Variants in ADGRL3 observed in about 807,000 individuals in gnomAD.
The protein encoded by ADGRL3 is adhesion G protein-coupled receptor L3.
Under a neutral mutation model 153.5 loss-of-function variants are expected in ADGRL3, and 62 were observed. The observed-to-expected ratio is 0.40, with a 90% CI of 0.33 to 0.50. The LOEUF is 0.50. ADGRL3 is among the 20% of genes least tolerant of loss of function. The probability of loss-of-function intolerance (pLI) is 0.47; values close to 1 mark genes in which losing one functional copy is unlikely to be tolerated. For missense variants in ADGRL3, 1,641 were observed against 1,859.4 expected, an observed-to-expected ratio of 0.88 and a Z score of 2.16; for synonymous variants, 710 against 672.5, an observed-to-expected ratio of 1.06 and a Z score of -0.86.
chr4:62,036,347 G>T (rs1581994788), intron 23 of ADGRL3, among the ~76,000 whole-genome samples: 2 of 151,818 alleles, frequency 1.3e-5, no homozygotes, highest in Admixed American at 1.3e-4. Context: ...TTTCTGGGAA[G>T]CCCTCTTCCC....
chr4:61,361,705 A>T (rs2096284371), intron 1 of ADGRL3, among the ~76,000 whole-genome samples: 1 of 152,202 alleles, frequency 6.6e-6, no homozygotes, highest in South Asian at 2.1e-4. Context: ...TAGGACAAAC[A>T]CAATGGAAGC....
chr4:61,904,905 C>T (rs1036594712), intron 11 of ADGRL3, among the ~76,000 whole-genome samples: 2 of 152,218 alleles, frequency 1.3e-5, no homozygotes, highest in South Asian at 2.1e-4. Context: ...AATCATAAAA[C>T]CTCAGAGGTC....
intron 17 of ADGRL3, among the ~76,000 whole-genome samples, chr4:61,975,249 C>T (rs186359205): frequency 3.3e-5 from 5 of 152,138 alleles, no homozygotes; most frequent in East Asian, 3.9e-4. Flanking sequence ...TTTTTAGATA[C>T]GATGACTCAG....
At chr4:61,663,228 G>C (rs946621286) in intron 5 of ADGRL3, among the ~76,000 whole-genome samples, 2 of 152,176 alleles carry the variant, frequency 1.3e-5, no homozygotes, top group Admixed American at 6.5e-5. Context: ...GAGAATAGCT[G>C]TGGCCCTTCA....
In ADGRL3 at chr4:61,791,134, G is replaced by A. The variant is rs533253394; in HGVS notation, c.1400-22675G>A. Among the ~76,000 whole-genome samples, 4 of 152,216 alleles carry A rather than the reference G, an allele frequency of 2.6e-5. No homozygotes were observed. The South Asian group carries it at 8.3e-4, about 32-fold the overall frequency. ...CATGCCTTCCCAGCAGTCTCCCAAA[G>A]TCTTAACTCATTTCAGCATTAACTC... On this transcript the variant is annotated intron_variant, in intron 8 of 26. Transcript: ENST00000683033.
chr4:61,554,239 G>A (rs1239411558), intron 4 of ADGRL3, among the ~76,000 whole-genome samples: 1 of 147,822 alleles, frequency 6.8e-6, no homozygotes, highest in Admixed American at 6.8e-5. Flanking sequence ...TGTTGCCCAG[G>A]CTGGAGTGCA....
intron 25 of ADGRL3, among the ~76,000 whole-genome samples, chr4:62,066,727 T>C (rs1034613407): frequency 6.6e-6 from 1 of 152,052 alleles, no homozygotes; most frequent in Non-Finnish European, 1.5e-5. Flanking sequence ...GTGAAGAATA[T>C]ATTATAGTTG....
intron 17 of ADGRL3, among the ~76,000 whole-genome samples, chr4:61,962,660 C>T (rs1180319239): frequency 6.6e-6 from 1 of 152,008 alleles, no homozygotes; most frequent in Non-Finnish European, 1.5e-5. Context: ...GTATCCTTCC[C>T]ATTGCATCAA....
intron 5 of ADGRL3, among the ~76,000 whole-genome samples, chr4:61,653,664 C>T (rs2094347662): frequency 6.6e-6 from 1 of 152,120 alleles, no homozygotes; most frequent in Non-Finnish European, 1.5e-5. Context: ...CATACTGTCC[C>T]TCAGCACTAC....
intron 6 of ADGRL3, among the ~76,000 whole-genome samples, chr4:61,729,014 T>C (rs1037732411): frequency 6.6e-6 from 1 of 151,830 alleles, no homozygotes; most frequent in South Asian, 2.1e-4. Context: ...AATGGAGTTT[T>C]TAAAAGCATC....
intron 1 of ADGRL3, among the ~76,000 whole-genome samples, chr4:61,246,339 T>C (rs1505681): frequency 0.78 from 118,960 of 151,916 alleles, 46,692 homozygotes; most frequent in East Asian, 0.9. Flanking sequence ...TGATTAATAA[T>C]AAGACTAGTT....
chr4:61,565,734 C>T (rs990274256), intron 4 of ADGRL3, among the ~76,000 whole-genome samples: 6 of 151,794 alleles, frequency 4.0e-5, no homozygotes, highest in East Asian at 1.9e-4. Flanking sequence ...GATGGGATTT[C>T]GCCATGTTGG....
intron 8 of ADGRL3, among the ~76,000 whole-genome samples, chr4:61,766,956 G>A (rs1171405060): frequency 6.6e-6 from 1 of 152,012 alleles, no homozygotes; most frequent in African/African-American, 2.4e-5. Context: ...GAATTGTAAG[G>A]AGAGTTTATA....
At position 62,006,984 on chromosome 4, in the gene ADGRL3, A is replaced by G. The variant is rs182833451; in HGVS notation, c.3395+8719A>G. Among the ~76,000 whole-genome samples, 32 of 152,220 alleles carry G rather than the reference A, an allele frequency of 2.1e-4. 1 individual carries two copies. Among genetic ancestry groups the G allele is most frequent in the Admixed American group, 1.6e-3 (24 of 15,278 alleles). On this transcript the variant is annotated intron_variant, in intron 21 of 26. Transcript: ENST00000683033. ...GTTCTAGAGTTGGTTCAAAAGCTCA[A>G]TAATGTCAACAAGGACCAAAGCTCT...
chr4:61,885,806 A>T (rs988338722), intron 9 of ADGRL3, among the ~76,000 whole-genome samples: 8 of 152,172 alleles, frequency 5.3e-5, no homozygotes, highest in Admixed American at 4.6e-4. Flanking sequence ...AATTTAACCT[A>T]TTTCATCTCT....
intron 18 of ADGRL3, among the ~76,000 whole-genome samples, chr4:61,981,874 A>G (rs764301924): frequency 6.6e-6 from 1 of 152,198 alleles, no homozygotes; most frequent in African/African-American, 2.4e-5. Flanking sequence ...TTCATGATTA[A>G]TGACTGTAAA....
chr4:61,604,288 G>A (rs2099023440), intron 5 of ADGRL3, among the ~76,000 whole-genome samples: 1 of 152,116 alleles, frequency 6.6e-6, no homozygotes. Context: ...ACTAGTCTAG[G>A]TTGTTGAGGT....
chr4:61,823,396 A>G (rs1242961107), intron 9 of ADGRL3, among the ~76,000 whole-genome samples: 4 of 152,322 alleles, frequency 2.6e-5, no homozygotes, highest in African/African-American at 4.8e-5. Flanking sequence ...AATATAATTC[A>G]TATGACTCCC....
intron 1 of ADGRL3, among the ~76,000 whole-genome samples, chr4:61,319,031 G>T (rs935846292): frequency 3.3e-5 from 5 of 152,268 alleles, no homozygotes; most frequent in South Asian, 2.1e-4. Context: ...GAAACTTAAA[G>T]ATACTAATTG....
Sources: allele counts gnomAD v4.1 joint callset (sites outside exome capture counted in the v4.1 genomes callset), GRCh38; gene constraint gnomAD v4.1.1; transcripts MANE v1.5; gene names NCBI Gene and HGNC (gene_info 2026-07-23, HGNC 2026-07-21).